GULP1: variants seen among roughly 807,000 people sequenced by gnomAD.
GULP1 encodes the protein PTB domain-containing engulfment adapter protein 1.
In GULP1, 19 loss-of-function variants were observed where a neutral mutation model predicts 40.9. The ratio of observed to expected loss-of-function variants is 0.46; its 90% CI spans 0.32 to 0.68. GULP1 has a LOEUF of 0.68. GULP1 is among the 30% of genes least tolerant of loss of function. The pLI, the probability that GULP1 is intolerant of heterozygous loss-of-function variation, is 0.03. For missense variants in GULP1, 312 were observed against 362.2 expected (o/e 0.86, Z 1.12); for synonymous variants, 119 against 117.6 (o/e 1.01, Z -0.08).
At chr2:188,326,787 G>A (rs2040822347) in intron 1 of GULP1, among the ~76,000 whole-genome samples, 2 of 152,072 alleles carry the variant, frequency 1.3e-5, no homozygotes. Flanking sequence ...GTAATGATTA[G>A]GGCTGACATC....
chr2:188,443,608 C>T (rs2058123784), intron 2 of GULP1, among the ~76,000 whole-genome samples: 1 of 152,000 alleles, frequency 6.6e-6, no homozygotes, highest in Non-Finnish European at 1.5e-5. Flanking sequence ...AGATTACAAA[C>T]CTGTATACAG....
chr2:188,459,759 A>T (rs13399616), intron 2 of GULP1, among the ~76,000 whole-genome samples: 4,178 of 152,222 alleles, frequency 0.027, 205 homozygotes, highest in African/African-American at 0.096. Flanking sequence ...GTTTTCTTAT[A>T]GTAGTTTCAT....
chr2:188,417,337 C>T (rs1261170764), intron 2 of GULP1, among the ~76,000 whole-genome samples: 2 of 152,082 alleles, frequency 1.3e-5, no homozygotes, highest in Non-Finnish European at 2.9e-5. Context: ...TTGCATTACC[C>T]CAAAGTTTCT....
chr2:188,435,921 G>A (rs1038420000), intron 2 of GULP1, among the ~76,000 whole-genome samples: 5 of 152,186 alleles, frequency 3.3e-5, no homozygotes, highest in African/African-American at 1.2e-4. Context: ...AAAAGGCCCA[G>A]TCCCTCTTTT....
At chr2:188,318,788 G>A (rs1355724596) in intron 1 of GULP1, among the ~76,000 whole-genome samples, 1 of 152,160 alleles carries the variant, frequency 6.6e-6, no homozygotes. Context: ...TATGACTGCA[G>A]AACTGCCTTT....
intron 7 of GULP1, among the ~76,000 whole-genome samples, chr2:188,554,012 A>G (rs1246157878): frequency 1.3e-5 from 2 of 151,656 alleles, no homozygotes; most frequent in Non-Finnish European, 2.9e-5. Flanking sequence ...TTCCTTTTTC[A>G]TTCTGATTTA....
At chr2:188,537,902 A>G (rs1308504895) in intron 6 of GULP1, among the ~76,000 whole-genome samples, 1 of 151,956 alleles carries the variant, frequency 6.6e-6, no homozygotes, top group Non-Finnish European at 1.5e-5. Context: ...TTTCTTGCTG[A>G]TTCAATGTTG....
intron 6 of GULP1, among the ~76,000 whole-genome samples, chr2:188,532,826 C>T (rs1191223458): frequency 6.6e-6 from 1 of 150,810 alleles, no homozygotes; most frequent in Non-Finnish European, 1.5e-5. Context: ...GAGGCTGAGG[C>T]AGGAGAATCG....
chr2:188,392,222 C>G (rs1020307932), intron 2 of GULP1, among the ~76,000 whole-genome samples: 1 of 152,016 alleles, frequency 6.6e-6, no homozygotes, highest in Admixed American at 6.5e-5. Context: ...TGTGAATGCA[C>G]CTGGCCCTGG....
chr2:188,320,358 C>T (rs2039785818), intron 1 of GULP1, among the ~76,000 whole-genome samples: 1 of 152,066 alleles, frequency 6.6e-6, no homozygotes, highest in Admixed American at 6.6e-5. Flanking sequence ...CTTATGTGTA[C>T]AATTGACTTT....
At chr2:188,455,667 T>A (rs2059198824) in intron 2 of GULP1, among the ~76,000 whole-genome samples, 1 of 152,144 alleles carries the variant, frequency 6.6e-6, no homozygotes. Flanking sequence ...AGTAAATTGG[T>A]ACCAGTAGAG....
intron 1 of GULP1, among the ~76,000 whole-genome samples, chr2:188,312,644 T>A (rs965659759): frequency 1.3e-5 from 2 of 152,200 alleles, no homozygotes; most frequent in Non-Finnish European, 2.9e-5. Context: ...TGATTTATAA[T>A]CCTTTGAGTA....
intron 2 of GULP1, among the ~76,000 whole-genome samples, chr2:188,439,716 C>T (rs1449817321): frequency 2.0e-5 from 3 of 152,042 alleles, no homozygotes; most frequent in Non-Finnish European, 1.5e-5. Context: ...ACTAATTAGA[C>T]TGTGGGGAGG....
At chr2:188,403,200 A>G (rs1325541582) in intron 2 of GULP1, among the ~76,000 whole-genome samples, 1 of 152,072 alleles carries the variant, frequency 6.6e-6, no homozygotes, top group Non-Finnish European at 1.5e-5. Context: ...CTCATATTTC[A>G]TTCATTTCAG....
intron 2 of GULP1, among the ~76,000 whole-genome samples, chr2:188,390,641 T>G (rs2050392842): frequency 6.6e-6 from 1 of 152,146 alleles, no homozygotes; most frequent in Non-Finnish European, 1.5e-5. Context: ...TATTTATATT[T>G]GTTTTTGTTG....
intron 1 of GULP1, among the ~76,000 whole-genome samples, chr2:188,364,935 T>C (rs1456418689): frequency 6.6e-6 from 1 of 151,326 alleles, no homozygotes; most frequent in Non-Finnish European, 1.5e-5. Context: ...TGTGTATATA[T>C]ATATATACAC....
chr2:188,439,410 A>G (rs536412752), intron 2 of GULP1, among the ~76,000 whole-genome samples: 2 of 152,316 alleles, frequency 1.3e-5, no homozygotes, highest in Admixed American at 6.5e-5. Flanking sequence ...AAAGACGTAT[A>G]TATGTATAAG....
intron 4 of GULP1, among the ~76,000 whole-genome samples, chr2:188,510,606 C>T (rs2064409544): frequency 6.6e-6 from 1 of 151,848 alleles, no homozygotes; most frequent in Admixed American, 6.6e-5. Flanking sequence ...ATGAAATATA[C>T]TCAGCCTCAC....
intron 5 of GULP1, among the ~76,000 whole-genome samples, chr2:188,523,930 G>A (rs1358709189): frequency 6.6e-6 from 1 of 152,146 alleles, no homozygotes; most frequent in Non-Finnish European, 1.5e-5. Context: ...TGGGAAAAAA[G>A]TGGATTAGCC....
Sources: allele counts gnomAD v4.1 joint callset (sites outside exome capture counted in the v4.1 genomes callset), GRCh38; gene constraint gnomAD v4.1.1; transcripts MANE v1.5; gene names NCBI Gene and HGNC (gene_info 2026-07-23, HGNC 2026-07-21).